Variants in RGS9 observed in about 807,000 individuals in gnomAD.
RGS9 encodes the protein regulator of G-protein signalling 9.
Under a neutral mutation model 102.0 loss-of-function variants are expected in RGS9, and 78 were observed. The observed-to-expected ratio is 0.76, with a 90% confidence interval of 0.64 to 0.92. The LOEUF is 0.92. Ranked by LOEUF, RGS9 falls within the 40% of genes least tolerant of loss-of-function variation. The pLI, the probability that RGS9 is intolerant of heterozygous loss-of-function variation, is 0.00. For synonymous variants in RGS9, 353 were observed against 318.6 expected (o/e 1.11, Z -1.15); for missense variants, 833 against 866.1 (o/e 0.96, Z 0.48).
chr17:65,176,710 A>ACCATCCAT lies in RGS9; in HGVS notation c.583-986_583-979dup, dbSNP rs3034105. ...ACTCATCCATCCATCTACTCACTCA[A>ACCATCCAT]CCATCCATCCATCCATCCATCCATC... On this transcript the variant is annotated intron_variant, in intron 8 of 18. Transcript: ENST00000262406. Among the ~76,000 whole-genome samples, 980 of 147,244 alleles carry ACCATCCAT rather than the reference A, an allele frequency of 6.7e-3. 7 individuals carry two copies. The highest frequency in any genetic ancestry group is 0.016 in the East Asian group (75 of 4,810).
chr17:65,225,061 C>G lies in RGS9; in HGVS notation c.1467C>G (p.Pro489=). 6.2e-7 allele frequency: 1 copy of G among 1,614,038 alleles called. No individual in the cohort carries two copies. The highest frequency in any genetic ancestry group is 8.5e-7 in the Non-Finnish European group (1 of 1,180,006). ...CCGTGTACACCGGGACCTGCATGCC[C>G]CCGTCTCCTTCTAGCCCCTTCTCCT... ...HLTVYTGTCM[P]PSPSSPFSSS... The change falls in exon 18 of 19, where the codon CCC becomes CCG. Residue 489 remains proline, a synonymous_variant. Coordinates refer to ENST00000262406, the MANE Select transcript of RGS9 (RefSeq NM_003835.4).
chr17:65,158,033 A>T (rs922149167), intron 2 of RGS9, among the ~76,000 whole-genome samples: 3 of 152,136 alleles, frequency 2.0e-5, no homozygotes, highest in Non-Finnish European at 2.9e-5. Flanking sequence ...TGTAAAGATG[A>T]AGCGTGTGTG....
At chr17:65,165,041 G>T (rs933095376) in intron 7 of RGS9, among the ~76,000 whole-genome samples, 2 of 152,080 alleles carry the variant, frequency 1.3e-5, no homozygotes, top group Admixed American at 1.3e-4. Context: ...GTTTCTGATG[G>T]GTTCCAGCAC....
chr17:65,154,430 C>G (rs1910695368), intron 2 of RGS9, among the ~76,000 whole-genome samples: 1 of 152,172 alleles, frequency 6.6e-6, no homozygotes, highest in South Asian at 2.1e-4. Flanking sequence ...TTTCTTGAAG[C>G]CATTCCTCCC....
chr17:65,163,182 AT>A (rs368025174), intron 7 of RGS9, 93 bp downstream of exon 7: 2,452 of 581,150 alleles, frequency 4.2e-3, no homozygotes, highest in East Asian at 5.1e-3. Context: ...TTTTATTTTT[AT>A]TTTTTTTTTG....
chr17:65,170,550 T>C (rs1911375611), intron 8 of RGS9, among the ~76,000 whole-genome samples: 1 of 152,200 alleles, frequency 6.6e-6, no homozygotes, highest in Non-Finnish European at 1.5e-5. Context: ...CCCTGTGCAC[T>C]TCTGCCTCTC....
chr17:65,218,020 A>G (rs76500199), intron 17 of RGS9, among the ~76,000 whole-genome samples: 4,380 of 152,310 alleles, frequency 0.029, 211 homozygotes, highest in African/African-American at 0.097. Flanking sequence ...GAACCAAACA[A>G]GTGCTTGACA....
chr17:65,179,877 AC>A (rs957944737), intron 9 of RGS9: 1 of 151,926 alleles, frequency 6.6e-6, no homozygotes, highest in African/African-American at 2.4e-5. Context: ...TCAGCCCAGA[AC>A]CCAGTGGGCA....
chr17:65,194,005 G>A (rs1912484517), intron 12 of RGS9, among the ~76,000 whole-genome samples: 1 of 152,090 alleles, frequency 6.6e-6, no homozygotes, highest in Non-Finnish European at 1.5e-5. Flanking sequence ...CCAATCCCAA[G>A]GGCTACTCGA....
At chr17:65,156,199 T>C (rs1910761033) in intron 2 of RGS9, among the ~76,000 whole-genome samples, 1 of 152,132 alleles carries the variant, frequency 6.6e-6, no homozygotes, top group African/African-American at 2.4e-5. Context: ...ATTTTTGTAT[T>C]TTTAGTAGAG....
At chr17:65,138,038 C>T (rs1466179941) in intron 1 of RGS9, among the ~76,000 whole-genome samples, 2 of 152,182 alleles carry the variant, frequency 1.3e-5, no homozygotes, top group Non-Finnish European at 2.9e-5. Flanking sequence ...GATAAAGGGC[C>T]ACCCCATTTA....
intron 1 of RGS9, among the ~76,000 whole-genome samples, chr17:65,147,473 C>T (rs1910408760): frequency 6.6e-6 from 1 of 152,090 alleles, no homozygotes; most frequent in Non-Finnish European, 1.5e-5. Flanking sequence ...GGGAGCTTCC[C>T]AGCTTCAGGC....
At chr17:65,153,782 C>T (rs1241309675) in intron 2 of RGS9, among the ~76,000 whole-genome samples, 5 of 152,146 alleles carry the variant, frequency 3.3e-5, no homozygotes, top group Non-Finnish European at 5.9e-5. Context: ...CCCAGCTACT[C>T]GGGAGGATGA....
At position 65,161,128 on chromosome 17, in the gene RGS9, C is replaced by T. The variant is rs1910967188; in HGVS notation, c.423+219C>T. Among the ~76,000 whole-genome samples, 3 of 152,324 alleles carry T rather than the reference C, an allele frequency of 2.0e-5. No homozygotes were observed. In the South Asian group the frequency reaches 6.2e-4, roughly 32 times the overall value. On this transcript the variant is annotated intron_variant, in intron 6 of 18. Transcript: ENST00000262406. ...CAGTTTCTCTTGCTGTAATTTAAGCCCTTGCCTCAGTGGCTACTGGGCACA... is the reference window on the plus strand; with the variant it reads ...CAGTTTCTCTTGCTGTAATTTAAGCTCTTGCCTCAGTGGCTACTGGGCACA...
At chr17:65,218,086 T>C (rs1913577601) in intron 17 of RGS9, among the ~76,000 whole-genome samples, 1 of 152,188 alleles carries the variant, frequency 6.6e-6, no homozygotes, top group Admixed American at 6.5e-5. Context: ...TAGAAGGTTG[T>C]CAAGCTAGGA....
At chr17:65,178,484 T>TCC (rs1911732381) in intron 9 of RGS9, among the ~76,000 whole-genome samples, 2 of 119,562 alleles carry the variant, frequency 1.7e-5, no homozygotes, top group African/African-American at 2.9e-5. Flanking sequence ...TTTTTCCTAT[T>TCC]TATTTATTTA....
chr17:65,189,888 C>G (rs940257882), intron 10 of RGS9, among the ~76,000 whole-genome samples: 3 of 152,230 alleles, frequency 2.0e-5, no homozygotes, highest in African/African-American at 7.2e-5. Flanking sequence ...GAGGGAAAAG[C>G]CAAGCGTTTG....
chr17:65,187,825 G>A (rs764299321), intron 9 of RGS9, among the ~76,000 whole-genome samples: 11 of 152,248 alleles, frequency 7.2e-5, no homozygotes, highest in South Asian at 2.1e-4. Context: ...GTAAAACCCC[G>A]TCTCTACTAA....
At chr17:65,151,283 T>C (rs2143969381) in intron 1 of RGS9, among the ~76,000 whole-genome samples, 1 of 151,710 alleles carries the variant, frequency 6.6e-6, no homozygotes, top group South Asian at 2.1e-4. Flanking sequence ...AAGTGGCGGT[T>C]GCAGTGAGCC....
Sources: allele counts gnomAD v4.1 joint callset (sites outside exome capture counted in the v4.1 genomes callset), GRCh38; gene constraint gnomAD v4.1.1; transcripts MANE v1.5; gene names NCBI Gene and HGNC (gene_info 2026-07-23, HGNC 2026-07-21).